AFDN: variants seen among roughly 807,000 people sequenced by gnomAD.
The protein encoded by AFDN is afadin.
AFDN carries 68 observed loss-of-function variants against 216.6 expected under a neutral mutation model. The ratio of observed to expected loss-of-function variants is 0.31; its 90% CI spans 0.26 to 0.38. The LOEUF (loss-of-function observed/expected upper bound fraction) is 0.38, where lower values mean the gene tolerates loss of function less well. Ranked by LOEUF, AFDN falls within the 10% of genes least tolerant of loss-of-function variation. AFDN has a pLI of 1.00. For synonymous variants in AFDN, 868 were observed against 853.7 expected, an observed-to-expected ratio of 1.02 and a Z score of -0.29; for missense variants, 2,136 against 2,342.0, an observed-to-expected ratio of 0.91 and a Z score of 1.82.
chr6:167,872,427 G>GT (rs1784892204), intron 4 of AFDN, 50 bp downstream of exon 4: 1 of 1,552,458 alleles, frequency 6.4e-7, no homozygotes, highest in South Asian at 1.2e-5. Context: ...CAAATCAGAT[G>GT]TTTTTGTTGC....
At chr6:167,916,059 T>G (rs1791018079) in intron 19 of AFDN, among the ~76,000 whole-genome samples, 1 of 152,212 alleles carries the variant, frequency 6.6e-6, no homozygotes, top group African/African-American at 2.4e-5. Flanking sequence ...GAAGTTGAAA[T>G]CAAGATGTCA....
Position 167,951,580 on chromosome 6 carries a change from C to T in AFDN, c.4226C>T (p.Ala1409Val), listed in dbSNP as rs1400467163. ...PSANQIGLPS[A>V]QVAAAERRKR... ...GCCAACCAGATAGGGCTGCCGTCTGCGCAGGTGGCTGCTGCTGAACGGAGA... is the reference window on the plus strand; with the variant it reads ...GCCAACCAGATAGGGCTGCCGTCTGTGCAGGTGGCTGCTGCTGAACGGAGA... The change falls in exon 30 of 34, where the codon GCG (alanine) becomes GTG (valine). Residue 1409 changes from alanine to valine, a missense_variant. Ala to Val is a moderately conservative substitution (Grantham distance 64). Around this residue, in one of 8 missense-constraint regions of AFDN, gnomAD observed 981 missense variants for 966.0 expected, o/e 1.02. Transcript: ENST00000683244. This position sits in a 1 kb window ranked among gnomAD's most constrained non-coding sequence, Gnocchi z 7.1. The T allele has an allele frequency of 3.1e-6, 5 of 1,613,920 alleles. No individual in the cohort carries two copies. The highest frequency in any genetic ancestry group is 2.7e-5 in the African/African-American group (2 of 75,030).
At chr6:167,909,286 TTTA>T (rs529265855) in intron 13 of AFDN, among the ~76,000 whole-genome samples, 134 of 152,064 alleles carry the variant, frequency 8.8e-4, no homozygotes, top group Non-Finnish European at 1.6e-3. Context: ...TTGGGTTGTA[TTTA>T]TTATTAGTAA....
intron 23 of AFDN, among the ~76,000 whole-genome samples, chr6:167,931,261 T>C (rs1793267003): frequency 6.6e-6 from 1 of 152,100 alleles, no homozygotes; most frequent in African/African-American, 2.4e-5. Context: ...CAGCTGGACA[T>C]ATGGAGGTGT....
At chr6:167,879,979 A>T (rs928173851) in intron 5 of AFDN, among the ~76,000 whole-genome samples, 1 of 152,192 alleles carries the variant, frequency 6.6e-6, no homozygotes, top group Non-Finnish European at 1.5e-5. Context: ...ATATAATAAT[A>T]TATAGGTAAG....
chr6:167,963,657 A>G, intron 31 of AFDN: 1 of 1,060,492 alleles, frequency 9.4e-7, no homozygotes, highest in Non-Finnish European at 1.1e-6. Context: ...CATTTTGTAG[A>G]CCTTTGCCCT....
At chr6:167,893,156 G>T (rs1269708746) in intron 8 of AFDN, among the ~76,000 whole-genome samples, 1 of 152,134 alleles carries the variant, frequency 6.6e-6, no homozygotes, top group African/African-American at 2.4e-5. Context: ...TATTTTAAGG[G>T]TGACCTAAGG....
chr6:167,852,518 A>G (rs1393883092), intron 1 of AFDN, among the ~76,000 whole-genome samples: 1 of 152,188 alleles, frequency 6.6e-6, no homozygotes, highest in African/African-American at 2.4e-5. Flanking sequence ...TAGAAGGTCA[A>G]GTGGTGACAG....
At chr6:167,826,779 A>T, upstream of AFDN, 1 of 342,700 alleles carries the variant, frequency 2.9e-6, no homozygotes, top group Non-Finnish European at 5.8e-6. Context: ...CGGCCGCGGC[A>T]GCAGCACCTA....
intron 1 of AFDN, among the ~76,000 whole-genome samples, chr6:167,841,143 T>C (rs1475183709): frequency 6.6e-6 from 1 of 152,238 alleles, no homozygotes; most frequent in African/African-American, 2.4e-5. Context: ...AGTTTTTTGC[T>C]TGGCTACTTT....
chr6:167,846,887 C>G (rs1041581285), intron 1 of AFDN, among the ~76,000 whole-genome samples: 1 of 151,772 alleles, frequency 6.6e-6, no homozygotes, highest in Admixed American at 6.6e-5. Flanking sequence ...TCAACTGAAT[C>G]TGCGTTAAGA....
intron 23 of AFDN, among the ~76,000 whole-genome samples, chr6:167,939,267 A>G (rs1794395207): frequency 6.6e-6 from 1 of 152,228 alleles, no homozygotes; most frequent in Non-Finnish European, 1.5e-5. Context: ...TCAGTATTAC[A>G]TTAACCGGAA....
At chr6:167,902,092 CAAAAA>C (rs35449284) in intron 11 of AFDN, among the ~76,000 whole-genome samples, 1 of 82,176 alleles carries the variant, frequency 1.2e-5, no homozygotes, top group African/African-American at 5.1e-5. Context: ...GACTTCATCT[CAAAAA>C]AAAAAAAAAA....
At chr6:167,958,774 G>T (rs867295983) in intron 30 of AFDN, among the ~76,000 whole-genome samples, 2 of 152,182 alleles carry the variant, frequency 1.3e-5, no homozygotes, top group Non-Finnish European at 2.9e-5. Context: ...GTATAGAAGG[G>T]GTTGAATTAA....
intron 21 of AFDN, among the ~76,000 whole-genome samples, chr6:167,922,231 C>T (rs769205052): frequency 4.6e-5 from 7 of 152,190 alleles, no homozygotes; most frequent in Admixed American, 1.3e-4. Flanking sequence ...CTTACTTTTA[C>T]AAAGCATGTC....
chr6:167,847,965 A>G (rs967612830), intron 1 of AFDN, among the ~76,000 whole-genome samples: 9 of 152,152 alleles, frequency 5.9e-5, no homozygotes, highest in Non-Finnish European at 1.2e-4. Flanking sequence ...CCTGCTTGCT[A>G]TTTGTCAGTT....
chr6:167,907,264 C>A lies in AFDN; in HGVS notation c.1744C>A (p.Pro582Thr). Residue 582 changes from proline to threonine, a missense_variant, in exon 13 of 34, where the codon CCA becomes ACA. Physicochemically the swap from Pro to Thr is conservative, Grantham distance 38. This residue lies in a region of AFDN where 817 missense variants were observed against 965.7 expected (regional missense o/e 0.85). Transcript: ENST00000683244. ...GCCGATGATCAGAGTAGAACAGCAG[C>A]CAGATTATCGCAGGCAAGAAAGCAG... ...VKPMIRVEQQPDYRRQESRTQ... is the reference protein window; with the variant it reads ...VKPMIRVEQQTDYRRQESRTQ... 1 of 1,613,878 alleles carries A rather than the reference C, an allele frequency of 6.2e-7. No homozygotes were observed. Among genetic ancestry groups the A allele is most frequent in the Non-Finnish European group, 8.5e-7 (1 of 1,179,818 alleles).
intron 32 of AFDN, chr6:167,968,366 G>C (rs142586006): frequency 6.6e-6 from 1 of 152,212 alleles, no homozygotes; most frequent in Non-Finnish European, 1.5e-5. Flanking sequence ...AGGCAGCTGT[G>C]TCCCGTCTGC....
chr6:167,844,861 T>TG (rs1781473218), intron 1 of AFDN, among the ~76,000 whole-genome samples: 3 of 145,556 alleles, frequency 2.1e-5, no homozygotes, highest in African/African-American at 7.6e-5. Context: ...TTTTTTTTTT[T>TG]TTTTTTTTTG....
Sources: gnomAD v4.1 joint callset for allele counts (sites outside exome capture counted in the v4.1 genomes callset) on GRCh38, gnomAD v4.1.1 for gene constraint, gnomAD v4.1.1 regional missense constraint, Gnocchi (gnomAD v3.1) non-coding constraint, MANE v1.5 for transcripts, NCBI Gene and HGNC (gene_info 2026-07-23, HGNC 2026-07-21) for gene names.